PCCA: variants seen among roughly 807,000 people sequenced by gnomAD.
PCCA encodes propionyl-CoA carboxylase alpha chain, mitochondrial.
PCCA carries 74 observed loss-of-function variants against 101.3 expected under a neutral mutation model. The observed-to-expected ratio is 0.73, with a 90% CI of 0.61 to 0.89. The LOEUF is 0.89. Among genes scored for constraint, PCCA ranks in the 40% least tolerant of loss-of-function variants. The pLI, the probability that PCCA is intolerant of heterozygous loss-of-function variation, is 0.00. For synonymous variants in PCCA, 294 were observed against 313.6 expected, an observed-to-expected ratio of 0.94 and a Z score of 0.66; for missense variants, 891 against 907.0, an observed-to-expected ratio of 0.98 and a Z score of 0.23.
intron 19 of PCCA, among the ~76,000 whole-genome samples, chr13:100,381,725 G>A (rs1335987488): frequency 6.6e-6 from 1 of 152,224 alleles, no homozygotes; most frequent in Non-Finnish European, 1.5e-5. Context: ...AACTCCTTGT[G>A]GGAGGGAGCA....
intron 12 of PCCA, among the ~76,000 whole-genome samples, chr13:100,276,034 A>G (rs1412088197): frequency 1.3e-5 from 2 of 152,022 alleles, no homozygotes; most frequent in Non-Finnish European, 2.9e-5. Flanking sequence ...TTTTGTTGAC[A>G]GCCAATGACT....
intron 10 of PCCA, among the ~76,000 whole-genome samples, chr13:100,266,906 A>C (rs1024394117): frequency 3.9e-5 from 6 of 152,174 alleles, no homozygotes; most frequent in Non-Finnish European, 5.9e-5. Flanking sequence ...TAAACCTATA[A>C]AATTTTTAAA....
intron 6 of PCCA, among the ~76,000 whole-genome samples, chr13:100,202,812 A>T (rs1338811003): frequency 6.6e-6 from 1 of 151,178 alleles, no homozygotes; most frequent in Non-Finnish European, 1.5e-5. Flanking sequence ...TGTTTTCCTT[A>T]TTCACTCTTA....
intron 19 of PCCA, among the ~76,000 whole-genome samples, chr13:100,386,935 A>T (rs897040681): frequency 1.3e-5 from 2 of 152,090 alleles, no homozygotes; most frequent in African/African-American, 4.8e-5. Context: ...ATTTTTTTTA[A>T]AAAACATTTC....
chr13:100,509,258 C>T (rs1341181663), intron 21 of PCCA, among the ~76,000 whole-genome samples: 1 of 152,176 alleles, frequency 6.6e-6, no homozygotes, highest in East Asian at 1.9e-4. Context: ...TGCGTTTGTT[C>T]TCTGCGTAAA....
chr13:100,410,569 A>C (rs1009320101), intron 19 of PCCA, among the ~76,000 whole-genome samples: 10 of 152,232 alleles, frequency 6.6e-5, no homozygotes, highest in Admixed American at 1.3e-4. Context: ...GTCTACACAC[A>C]GTGGAGCTAC....
At chr13:100,112,230 A>G (rs1454616455) in intron 4 of PCCA, among the ~76,000 whole-genome samples, 169 bp downstream of exon 4, 2 of 152,186 alleles carry the variant, frequency 1.3e-5, no homozygotes, top group African/African-American at 4.8e-5. Context: ...AGTATCTTCT[A>G]TATGTGCCGT....
At chr13:100,240,675 G>A (rs1403310128) in intron 8 of PCCA, among the ~76,000 whole-genome samples, 3 of 151,628 alleles carry the variant, frequency 2.0e-5, no homozygotes, top group South Asian at 2.1e-4. Context: ...GTTTATACTC[G>A]TATACCCAAC....
intron 19 of PCCA, among the ~76,000 whole-genome samples, chr13:100,399,241 A>G (rs1370307151): frequency 2.2e-4 from 34 of 152,148 alleles, no homozygotes; most frequent in Admixed American, 2.2e-3. Context: ...GCATTTGCTA[A>G]ATTTGAGATA....
At chr13:100,418,845 A>G (rs1595830589) in intron 19 of PCCA, among the ~76,000 whole-genome samples, 1 of 144,398 alleles carries the variant, frequency 6.9e-6, no homozygotes, top group African/African-American at 2.6e-5. Context: ...AAAAAAAAAA[A>G]GAAAAAAGAA....
At chr13:100,136,035 T>A (rs1336851699) in intron 4 of PCCA, among the ~76,000 whole-genome samples, 1 of 152,166 alleles carries the variant, frequency 6.6e-6, no homozygotes, top group East Asian at 1.9e-4. Flanking sequence ...GACTTCTTAA[T>A]TTTTTGTTAA....
intron 18 of PCCA, among the ~76,000 whole-genome samples, chr13:100,363,098 G>T (rs1026483943): frequency 7.9e-5 from 12 of 152,024 alleles, no homozygotes; most frequent in African/African-American, 2.9e-4. Context: ...TGATGGCTCT[G>T]TAAAGAATTT....
intron 8 of PCCA, among the ~76,000 whole-genome samples, chr13:100,254,549 A>C (rs189390163): frequency 2.6e-4 from 40 of 152,212 alleles, no homozygotes; most frequent in Non-Finnish European, 4.0e-4. Flanking sequence ...CTTCCCATTT[A>C]CTTATCTTAA....
chr13:100,515,344 A>G, intron 21 of PCCA, 83 bp from the exon 22 acceptor site: 1 of 1,289,308 alleles, frequency 7.8e-7, no homozygotes, highest in Non-Finnish European at 1.1e-6. Flanking sequence ...TTTAAAAGCT[A>G]AAAATTGATT....
intron 19 of PCCA, among the ~76,000 whole-genome samples, chr13:100,401,283 G>T (rs575627898): frequency 2.1e-3 from 318 of 152,188 alleles, no homozygotes; most frequent in African/African-American, 7.4e-3. Flanking sequence ...TCACTCTGTT[G>T]CCCAGGCTAG....
At chr13:100,483,180 A>T (rs2084088084) in intron 21 of PCCA, among the ~76,000 whole-genome samples, 1 of 152,200 alleles carries the variant, frequency 6.6e-6, no homozygotes, top group Non-Finnish European at 1.5e-5. Flanking sequence ...CATCATTAAA[A>T]GTACAACTTG....
At chr13:100,123,638 G>A (rs2049657238) in intron 4 of PCCA, among the ~76,000 whole-genome samples, 1 of 151,672 alleles carries the variant, frequency 6.6e-6, no homozygotes, top group Admixed American at 6.6e-5. Flanking sequence ...ATAATGGGGG[G>A]GGATTGACAA....
At chr13:100,454,834 A>T (rs2081591739) in intron 21 of PCCA, among the ~76,000 whole-genome samples, 2 of 152,010 alleles carry the variant, frequency 1.3e-5, no homozygotes, top group African/African-American at 2.4e-5. Context: ...CTGAACTTTT[A>T]AAAAAAGCTG....
chr13:100,247,767 CG>C (rs1474836616), intron 8 of PCCA, among the ~76,000 whole-genome samples: 2 of 151,846 alleles, frequency 1.3e-5, no homozygotes, highest in Non-Finnish European at 2.9e-5. Context: ...CCGCCCACCT[CG>C]GCCTCCCAAA....
Sources: allele counts gnomAD v4.1 joint callset (sites outside exome capture counted in the v4.1 genomes callset), GRCh38; gene constraint gnomAD v4.1.1; transcripts MANE v1.5; gene names NCBI Gene and HGNC (gene_info 2026-07-23, HGNC 2026-07-21).